The following RAPGEF1 variants were observed in gnomAD, a reference collection of about 807,000 sequenced individuals.
RAPGEF1 encodes the protein Rap guanine nucleotide exchange factor 1.
RAPGEF1 carries 33 observed loss-of-function variants against 143.3 expected under a neutral mutation model. The ratio of observed to expected loss-of-function variants is 0.23; its 90% CI spans 0.17 to 0.31. The LOEUF (loss-of-function observed/expected upper bound fraction) is 0.31. Among genes scored for constraint, RAPGEF1 ranks in the 10% least tolerant of loss-of-function variants. RAPGEF1 has a pLI of 1.00. For synonymous variants in RAPGEF1, 629 were observed against 676.5 expected, an observed-to-expected ratio of 0.93 and a Z score of 1.09; for missense variants, 1,199 against 1,645.4, an observed-to-expected ratio of 0.73 and a Z score of 4.69.
chr9:131,739,081 T>C (rs1484891647), intron 1 of RAPGEF1, among the ~76,000 whole-genome samples: 4 of 152,112 alleles, frequency 2.6e-5, no homozygotes, highest in Non-Finnish European at 5.9e-5. Flanking sequence ...CATTGAATCT[T>C]TGGAGACTCT....
chr9:131,584,103 C>T lies in RAPGEF1; in HGVS notation c.3414+208G>A, dbSNP rs968648876. ...GATGTGACCACCCCAGAACCAACCT[C>T]GAAGCTCCCGGGGGCCTGAAGATTG... On this transcript the variant is annotated intron_variant, in intron 24 of 26. Coordinates refer to ENST00000683357, the MANE Select transcript of RAPGEF1 (RefSeq NM_001377935.1). The surrounding 1 kb of genome is among the most constrained non-coding windows in gnomAD (Gnocchi z 6.8). 1.3e-5 allele frequency among the ~76,000 whole-genome samples: 2 copies of T among 152,182 alleles called. No individual in the cohort carries two copies. Among genetic ancestry groups the T allele is most frequent in the Admixed American group, 6.5e-5 (1 of 15,284 alleles).
In RAPGEF1 at chr9:131,592,175, A is replaced by C. The variant is rs992772220; in HGVS notation, c.2698T>G (p.Leu900Val). The change falls in exon 18 of 27, where the codon TTG (leucine) becomes GTG (valine). Residue 900 changes from leucine (L) to valine (V), a missense_variant. Leu to Val is a conservative substitution (Grantham distance 32). Coordinates refer to ENST00000683357, the MANE Select transcript of RAPGEF1 (RefSeq NM_001377935.1). ...GTGGTCAGGAATGCCTCGCAGTACAACACCAAATCTAGAGGGAAAAAACAA... is the reference window on the plus strand; with the variant it reads ...GTGGTCAGGAATGCCTCGCAGTACACCACCAAATCTAGAGGGAAAAAACAA... ...ATETDRKDLVLYCEAFLTTYR... is the reference protein window; with the variant it reads ...ATETDRKDLVVYCEAFLTTYR... The C allele has an allele frequency of 9.6e-6, 15 of 1,561,382 alleles. No individual in the cohort carries two copies. In the African/African-American group the frequency reaches 1.9e-4, roughly 20 times the overall value.
At chr9:131,701,626 T>C (rs1834655689) in intron 1 of RAPGEF1, among the ~76,000 whole-genome samples, 1 of 152,252 alleles carries the variant, frequency 6.6e-6, no homozygotes, top group Non-Finnish European at 1.5e-5. Context: ...ATGGATTGCA[T>C]ATACAATGTA....
At chr9:131,707,676 T>C (rs1835177350) in intron 1 of RAPGEF1, among the ~76,000 whole-genome samples, 1 of 152,168 alleles carries the variant, frequency 6.6e-6, no homozygotes, top group South Asian at 2.1e-4. Context: ...CCTGGCCTCA[T>C]GTGATCTGCC....
intron 1 of RAPGEF1, among the ~76,000 whole-genome samples, chr9:131,734,165 T>G (rs1453323280): frequency 6.6e-6 from 1 of 152,064 alleles, no homozygotes; most frequent in Non-Finnish European, 1.5e-5. Context: ...GAAAGCTGTG[T>G]CCCCAGCAAC....
At chr9:131,596,104 C>T (rs184699782) in intron 17 of RAPGEF1, among the ~76,000 whole-genome samples, 194 bp downstream of exon 17, 15 of 152,228 alleles carry the variant, frequency 9.9e-5, no homozygotes, top group Admixed American at 7.9e-4. Context: ...ACAGATGCCA[C>T]GCACGCCTGG....
intron 1 of RAPGEF1, among the ~76,000 whole-genome samples, chr9:131,682,639 T>C (rs1279649470): frequency 6.6e-6 from 1 of 152,108 alleles, no homozygotes; most frequent in African/African-American, 2.4e-5. Context: ...GCCAGGAGAG[T>C]GCATAGCACA....
intron 1 of RAPGEF1, among the ~76,000 whole-genome samples, chr9:131,700,018 G>A (rs895917095): frequency 3.3e-5 from 5 of 152,090 alleles, no homozygotes; most frequent in African/African-American, 9.7e-5. Flanking sequence ...TACCCACACA[G>A]CCCCAATCAT....
In RAPGEF1 at chr9:131,579,194, A is replaced by C. The variant is rs1951497985; in HGVS notation, c.*303T>G. On this transcript the variant is annotated 3_prime_UTR_variant, in exon 27 of 27. Coordinates refer to ENST00000683357, the MANE Select transcript of RAPGEF1 (RefSeq NM_001377935.1). ...CCTGGAGGGGAGTGGGTGGAAGGTC[A>C]AGAGGGGAGAGATGGAAGTAAAAGC... 1 of 331,100 alleles carries C rather than the reference A, an allele frequency of 3.0e-6. No homozygotes were observed. Among genetic ancestry groups the C allele is most frequent in the Non-Finnish European group, 5.7e-6 (1 of 175,438 alleles). The allele number at this position is 331,100 out of a possible 1,614,324, so 20.5% of individuals were successfully genotyped here.
intron 10 of RAPGEF1, among the ~76,000 whole-genome samples, chr9:131,623,861 T>A (rs773886031): frequency 1.3e-5 from 2 of 152,132 alleles, no homozygotes; most frequent in Non-Finnish European, 2.9e-5. Context: ...AGGCCAGCGT[T>A]AGCCACGCGG....
intron 6 of RAPGEF1, 55 bp downstream of exon 6, chr9:131,630,181 G>A (rs1010393168): frequency 2.7e-6 from 4 of 1,490,478 alleles, no homozygotes; most frequent in Non-Finnish European, 3.7e-6. Context: ...CTTGTCAAGT[G>A]CAGACTTTGC....
intron 1 of RAPGEF1, among the ~76,000 whole-genome samples, chr9:131,674,253 C>T (rs1476036268): frequency 1.3e-5 from 2 of 151,998 alleles, no homozygotes; most frequent in Admixed American, 1.3e-4. Flanking sequence ...AACTATGTGT[C>T]CTGAAGCTTG....
At chr9:131,711,566 C>T (rs1254224434) in intron 1 of RAPGEF1, among the ~76,000 whole-genome samples, 1 of 152,138 alleles carries the variant, frequency 6.6e-6, no homozygotes. Flanking sequence ...CCACGTTGGC[C>T]AGGCTGGTCT....
chr9:131,721,111 G>A (rs60378385), intron 1 of RAPGEF1, among the ~76,000 whole-genome samples: 3,819 of 152,208 alleles, frequency 0.025, 179 homozygotes, highest in African/African-American at 0.087. Flanking sequence ...CAGACTCCAT[G>A]GACTTGACCT....
chr9:131,579,760 C>T (rs890571279), intron 26 of RAPGEF1, 113 bp from the exon 27 acceptor site: 23 of 1,182,074 alleles, frequency 1.9e-5, no homozygotes, highest in African/African-American at 3.1e-5. Flanking sequence ...TCGCAGCAAA[C>T]GGATGCTGCA....
At chr9:131,706,729 G>A (rs1424902810) in intron 1 of RAPGEF1, among the ~76,000 whole-genome samples, 1 of 152,136 alleles carries the variant, frequency 6.6e-6, no homozygotes, top group Admixed American at 6.5e-5. Context: ...TATGAAAAAC[G>A]GCTTTTCCTT....
rs190146031 is a variant in RAPGEF1 at position 131,584,428 on chromosome 9, C to T, written c.3313-16G>A. 2.2e-5 allele frequency: 36 copies of T among 1,613,426 alleles called. 1 individual carries two copies. Among genetic ancestry groups the T allele is most frequent in the South Asian group, 7.7e-5 (7 of 91,068 alleles). On this transcript the variant is annotated splice_polypyrimidine_tract_variant and intron_variant, in intron 23 of 26. Coordinates refer to ENST00000683357, the MANE Select transcript of RAPGEF1 (RefSeq NM_001377935.1). The surrounding 1 kb of genome is among the most constrained non-coding windows in gnomAD (Gnocchi z 6.8). ...TCCGCAAGTGCTGCCGAGAGAGGGG[C>T]GGTGCCGTGAGGCAGGAGGGCAGGC...
intron 5 of RAPGEF1, among the ~76,000 whole-genome samples, 157 bp downstream of exon 5, chr9:131,638,478 G>A (rs1034619348): frequency 3.3e-5 from 5 of 152,258 alleles, no homozygotes; most frequent in Admixed American, 3.3e-4. Context: ...CCAGTCCTGA[G>A]AGAAGTAAGT....
chr9:131,739,427 C>G (rs1413004484), intron 1 of RAPGEF1, among the ~76,000 whole-genome samples: 1 of 152,158 alleles, frequency 6.6e-6, no homozygotes, highest in South Asian at 2.1e-4. Flanking sequence ...TCGCTGCAGC[C>G]GCAGCAGCAC....
Sources: allele counts gnomAD v4.1 joint callset (sites outside exome capture counted in the v4.1 genomes callset), GRCh38; gene constraint gnomAD v4.1.1; non-coding constraint Gnocchi (gnomAD v3.1); transcripts MANE v1.5; gene names NCBI Gene and HGNC (gene_info 2026-07-23, HGNC 2026-07-21).